DPP10: variants seen among roughly 807,000 people sequenced by gnomAD.
The protein encoded by DPP10 is dipeptidyl peptidase like 10, also known as inactive dipeptidyl peptidase 10.
In DPP10, 33 loss-of-function variants were observed where a neutral mutation model predicts 120.9. The ratio of observed to expected loss-of-function variants is 0.27; its 90% CI spans 0.21 to 0.37. The LOEUF is 0.37. Ranked by LOEUF, DPP10 falls within the 10% of genes least tolerant of loss-of-function variation. DPP10 has a pLI of 1.00. For synonymous variants in DPP10, 337 were observed against 326.1 expected (o/e 1.03, Z -0.36); for missense variants, 816 against 942.8 (o/e 0.87, Z 1.76).
At chr2:115,369,199 A>G (rs1367044213) in intron 3 of DPP10, among the ~76,000 whole-genome samples, 1 of 152,094 alleles carries the variant, frequency 6.6e-6, no homozygotes, top group African/African-American at 2.4e-5. Context: ...ATCTATAGCC[A>G]TGTTAGGCTG....
chr2:115,566,975 C>A (rs985622714), intron 5 of DPP10, among the ~76,000 whole-genome samples: 1 of 152,066 alleles, frequency 6.6e-6, no homozygotes, highest in African/African-American at 2.4e-5. Flanking sequence ...TTTACTATTT[C>A]CTCAGCCTTA....
At chr2:115,296,372 C>T (rs1052673536) in intron 1 of DPP10, among the ~76,000 whole-genome samples, 2 of 152,068 alleles carry the variant, frequency 1.3e-5, no homozygotes, top group Non-Finnish European at 2.9e-5. Context: ...CGTATTTCGC[C>T]AATGGCTTTT....
rs1009485644 is a variant in DPP10, at chr2:114,506,605, C to T, written c.60+63767C>T. ...AGGGCTTCAGGTGTTGCAGGCACCC[C>T]CCTAGATGCTGCTGTGGGGTCTGCA... On this transcript the variant is annotated intron_variant, in intron 1 of 25. Coordinates refer to ENST00000410059, the MANE Select transcript of DPP10 (RefSeq NM_020868.6). Among the ~76,000 whole-genome samples the T allele has an allele frequency of 5.9e-5, 9 of 152,108 alleles. No individual in the cohort carries two copies. The South Asian group carries it at 1.9e-3, about 32-fold the overall frequency.
At chr2:114,498,617 G>A (rs1682883878) in intron 1 of DPP10, among the ~76,000 whole-genome samples, 1 of 152,112 alleles carries the variant, frequency 6.6e-6, no homozygotes, top group South Asian at 2.1e-4. Flanking sequence ...GTCCTTTGGT[G>A]GAAAGCAACT....
At chr2:115,637,824 G>A (rs1558961876) in intron 5 of DPP10, among the ~76,000 whole-genome samples, 5 of 152,210 alleles carry the variant, frequency 3.3e-5, no homozygotes, top group Admixed American at 2.6e-4. Context: ...AACTAAACTT[G>A]TGTGAAGAAA....
At chr2:114,819,028 T>A (rs1158502197) in intron 1 of DPP10, among the ~76,000 whole-genome samples, 1 of 152,126 alleles carries the variant, frequency 6.6e-6, no homozygotes, top group Admixed American at 6.6e-5. Context: ...GTTGCATAGT[T>A]TTGGTCCACT....
chr2:115,622,425 T>G (rs1373461245), intron 5 of DPP10, among the ~76,000 whole-genome samples: 2 of 152,138 alleles, frequency 1.3e-5, no homozygotes, highest in African/African-American at 4.8e-5. Flanking sequence ...TAGTCATTCC[T>G]CAGTGGGATC....
chr2:115,187,016 ATTCTTT>A (rs2054493274), intron 1 of DPP10, among the ~76,000 whole-genome samples: 1 of 100,486 alleles, frequency 1.0e-5, no homozygotes, highest in African/African-American at 3.8e-5. Flanking sequence ...TGGTGCAAAG[ATTCTTT>A]TTTTTTTTTT....
chr2:115,714,963 A>T (rs901782262), intron 7 of DPP10, among the ~76,000 whole-genome samples: 1 of 144,966 alleles, frequency 6.9e-6, no homozygotes, highest in East Asian at 2.1e-4. Context: ...TGGGAGGCAG[A>T]GGTAGGAGTG....
At chr2:115,543,230 A>T (rs959257594) in intron 5 of DPP10, among the ~76,000 whole-genome samples, 1 of 152,058 alleles carries the variant, frequency 6.6e-6, no homozygotes, top group Non-Finnish European at 1.5e-5. Flanking sequence ...CTGCCAGAAA[A>T]TTCCGGTCTT....
At chr2:115,483,251 A>G (rs1373558367) in intron 3 of DPP10, among the ~76,000 whole-genome samples, 1 of 152,118 alleles carries the variant, frequency 6.6e-6, no homozygotes, top group Non-Finnish European at 1.5e-5. Context: ...TTGATATTAA[A>G]ACAACTTATT....
At chr2:115,801,231 C>T (rs953313428) in intron 19 of DPP10, among the ~76,000 whole-genome samples, 1 of 152,034 alleles carries the variant, frequency 6.6e-6, no homozygotes, top group Non-Finnish European at 1.5e-5. Flanking sequence ...ATTTGGCTCT[C>T]TGTTTGTCTG....
At chr2:115,028,708 A>G (rs538957439) in intron 1 of DPP10, among the ~76,000 whole-genome samples, 1 of 151,912 alleles carries the variant, frequency 6.6e-6, no homozygotes, top group Non-Finnish European at 1.5e-5. Flanking sequence ...CATTAGACTT[A>G]CTAATGTTTA....
At position 114,841,492 on chromosome 2, in the gene DPP10, T is replaced by G. The variant is rs567206069; in HGVS notation, c.60+398654T>G. Among the ~76,000 whole-genome samples the G allele has an allele frequency of 3.9e-5, 6 of 152,192 alleles. No homozygotes were observed. The South Asian group carries it at 1.2e-3, about 32-fold the overall frequency. On this transcript the variant is annotated intron_variant, in intron 1 of 25. Transcript: ENST00000410059. Reference sequence around the variant, plus strand: ...CCTTTAGTAGACTAGATTCAGCAAATGAAACTGAGTGATTTCAAATGGAGG... The same window carrying G: ...CCTTTAGTAGACTAGATTCAGCAAAGGAAACTGAGTGATTTCAAATGGAGG...
chr2:115,683,342 G>C (rs1190480900), intron 5 of DPP10, among the ~76,000 whole-genome samples: 7 of 151,940 alleles, frequency 4.6e-5, no homozygotes, highest in South Asian at 2.1e-4. Flanking sequence ...GATTAGGATG[G>C]AAGAAGGGAT....
At chr2:114,922,151 A>G (rs898479234) in intron 1 of DPP10, among the ~76,000 whole-genome samples, 2 of 152,218 alleles carry the variant, frequency 1.3e-5, no homozygotes, top group Non-Finnish European at 2.9e-5. Context: ...TGTAAAATTC[A>G]GTGGTTTATA....
At chr2:115,757,276 T>C (rs1575693034) in intron 11 of DPP10, among the ~76,000 whole-genome samples, 2 of 151,876 alleles carry the variant, frequency 1.3e-5, no homozygotes, top group East Asian at 3.9e-4. Context: ...TTAACACGTG[T>C]AATAGTCTGT....
At chr2:114,644,437 A>T (rs72953581) in intron 1 of DPP10, among the ~76,000 whole-genome samples, 16,713 of 151,280 alleles carry the variant, frequency 0.11, 1,402 homozygotes, top group African/African-American at 0.21. Context: ...TAGATATCTT[A>T]TCTCCCTATT....
At chr2:114,834,529 C>CGCACCTATGTATATATAAGCCATATCTAT (rs1687476179) in intron 1 of DPP10, among the ~76,000 whole-genome samples, 2 of 150,884 alleles carry the variant, frequency 1.3e-5, no homozygotes, top group Admixed American at 6.6e-5. Context: ...GACATATCTA[C>CGCACCTATGTATATATAAGCCATATCTAT]GCACCTATGT....
Sources: gnomAD v4.1 joint callset for allele counts (sites outside exome capture counted in the v4.1 genomes callset) on GRCh38, gnomAD v4.1.1 for gene constraint, MANE v1.5 for transcripts, NCBI Gene and HGNC (gene_info 2026-07-23, HGNC 2026-07-21) for gene names.